The following PRKD3 variants were observed in gnomAD, a reference collection of about 807,000 sequenced individuals.
PRKD3 encodes the protein serine/threonine-protein kinase D3.
Under a neutral mutation model 99.2 loss-of-function variants are expected in PRKD3, and 47 were observed. The ratio of observed to expected loss-of-function variants is 0.47; its 90% CI spans 0.38 to 0.60. The LOEUF (loss-of-function observed/expected upper bound fraction) is 0.60. Ranked by LOEUF, PRKD3 falls within the 20% of genes least tolerant of loss-of-function variation. The probability of loss-of-function intolerance (pLI) is 0.00; values close to 1 mark genes in which losing one functional copy is unlikely to be tolerated. For synonymous variants in PRKD3, 392 were observed against 355.4 expected (o/e 1.10, Z -1.16); for missense variants, 1,019 against 1,088.4 (o/e 0.94, Z 0.90).
chr2:37,289,223 A>G, intron 5 of PRKD3, 133 bp downstream of exon 5: 2 of 1,111,470 alleles, frequency 1.8e-6, no homozygotes, highest in Non-Finnish European at 2.5e-6. Flanking sequence ...CCATTACTAC[A>G]TTTTATGTTT....
chr2:37,282,477 G>T (rs749228826), intron 7 of PRKD3, 65 bp downstream of exon 7: 22 of 1,046,968 alleles, frequency 2.1e-5, no homozygotes, highest in Non-Finnish European at 3.2e-5. Flanking sequence ...CTTATCCAAA[G>T]ATAATACACC....
chr2:37,257,645 G>T (rs894856590), intron 16 of PRKD3, among the ~76,000 whole-genome samples: 1 of 131,712 alleles, frequency 7.6e-6, no homozygotes, highest in Non-Finnish European at 1.6e-5. Flanking sequence ...CAGCCTGGGC[G>T]ACAGAGTGAA....
At chr2:37,285,716 G>A (rs915249101) in intron 6 of PRKD3, among the ~76,000 whole-genome samples, 9 of 152,068 alleles carry the variant, frequency 5.9e-5, no homozygotes, top group African/African-American at 1.9e-4. Flanking sequence ...GCATACAGGT[G>A]AAGAAGCCAT....
chr2:37,305,927 A>G (rs1420059763), intron 2 of PRKD3, among the ~76,000 whole-genome samples: 1 of 152,186 alleles, frequency 6.6e-6, no homozygotes, highest in African/African-American at 2.4e-5. Context: ...CTAGTTTCAC[A>G]CCTGAGAAAA....
At chr2:37,275,725 A>G in intron 10 of PRKD3, 42 bp downstream of exon 10, 4 of 1,535,210 alleles carry the variant, frequency 2.6e-6, no homozygotes, top group Non-Finnish European at 3.5e-6. Flanking sequence ...AAAAACATAC[A>G]CTATCTTAAT....
intron 7 of PRKD3, among the ~76,000 whole-genome samples, chr2:37,281,400 T>C (rs769505885): frequency 3.3e-5 from 5 of 152,160 alleles, no homozygotes; most frequent in African/African-American, 4.8e-5. Context: ...AGTGCTATGG[T>C]ATGAATGTTT....
rs1405447270 is a variant in PRKD3 at position 37,316,939 on chromosome 2, TA to T, written c.-416del. The T allele has an allele frequency of 1.0e-6, 1 of 999,572 alleles. No individual in the cohort carries two copies. Among genetic ancestry groups the T allele is most frequent in the Non-Finnish European group, 1.2e-6 (1 of 838,924 alleles). The allele number at this position is 999,572 out of a possible 1,614,324, so 61.9% of individuals were successfully genotyped here. On this transcript the variant is annotated 5_prime_UTR_variant, in exon 2 of 19. Coordinates refer to ENST00000234179, the MANE Select transcript of PRKD3 (RefSeq NM_005813.6). ...CTGTCAAGGTGAAATCCTCTTCGTT[TA>T]AAAAACAGTAAGTGTTTTGGATTAA... is the stretch of plus-strand genomic sequence containing the variant.
At position 37,316,882 on chromosome 2, in the gene PRKD3, C is replaced by T; in HGVS notation, c.-358G>A. 13 of 1,024,076 alleles carry T rather than the reference C, an allele frequency of 1.3e-5. No homozygotes were observed. Among genetic ancestry groups the T allele is most frequent in the Non-Finnish European group, 1.5e-5 (13 of 855,240 alleles). The allele number at this position is 1,024,076 out of a possible 1,614,324, so 63.4% of individuals were successfully genotyped here. On this transcript the variant is annotated 5_prime_UTR_variant, in exon 2 of 19. Coordinates refer to ENST00000234179, the MANE Select transcript of PRKD3 (RefSeq NM_005813.6). ...CAGTCTGTACTTGTCTCTTTAATTT[C>T]AGGAAATACATATTGAATAAAAGTT...
intron 5 of PRKD3, among the ~76,000 whole-genome samples, chr2:37,287,270 A>AAAAAAAG (rs1670159030): frequency 7.1e-6 from 1 of 141,668 alleles, no homozygotes; most frequent in African/African-American, 3.0e-5. Flanking sequence ...AAAAAAAAGA[A>AAAAAAAG]AAAGAAAAAG....
chr2:37,263,945 C>T (rs1668650632), intron 14 of PRKD3, among the ~76,000 whole-genome samples: 1 of 152,152 alleles, frequency 6.6e-6, no homozygotes. Flanking sequence ...AATGTTCAAA[C>T]CAGAAATTTC....
At chr2:37,260,524 A>G (rs896664309) in intron 14 of PRKD3, 140 bp from the exon 15 acceptor site, 19 of 799,388 alleles carry the variant, frequency 2.4e-5, no homozygotes, top group Non-Finnish European at 3.0e-5. Context: ...AAAAATTACA[A>G]TCAATGAAAA....
At chr2:37,318,798 T>C (rs1453907223) in intron 1 of PRKD3, among the ~76,000 whole-genome samples, 1 of 152,192 alleles carries the variant, frequency 6.6e-6, no homozygotes, top group Non-Finnish European at 1.5e-5. Flanking sequence ...CCTGCAATCT[T>C]GGAGAAAGAG....
At chr2:37,296,801 G>A (rs1670694530) in intron 2 of PRKD3, among the ~76,000 whole-genome samples, 1 of 151,184 alleles carries the variant, frequency 6.6e-6, no homozygotes, top group African/African-American at 2.4e-5. Context: ...TCCGGAGACT[G>A]AGGCAGGAGA....
At chr2:37,254,142 G>A in intron 18 of PRKD3, 62 bp downstream of exon 18, 2 of 1,241,890 alleles carry the variant, frequency 1.6e-6, no homozygotes, top group East Asian at 2.3e-5. Context: ...TCATTAGGTG[G>A]GACAAATCAG....
chr2:37,254,255 C>A lies in PRKD3; in HGVS notation c.2448G>T (p.Lys816Asn), dbSNP rs374375446. The change falls in exon 18 of 19, where the codon AAG becomes AAT. Residue 816 changes from lysine to asparagine, a missense_variant. Lys to Asn is a moderately conservative substitution (Grantham distance 94, BLOSUM62 0). Coordinates refer to ENST00000234179, the MANE Select transcript of PRKD3 (RefSeq NM_005813.6). ...IDLINNLLQV[K>N]MRKRYSVDKS... ...TGTCAACACTGTAACGTTTTCTCATCTTCACTTGAAGCAGATTGTTTATCA... is the reference window on the plus strand; with the variant it reads ...TGTCAACACTGTAACGTTTTCTCATATTCACTTGAAGCAGATTGTTTATCA... 104 of 1,613,372 alleles carry A rather than the reference C, an allele frequency of 6.4e-5. 1 individual carries two copies. Among genetic ancestry groups the A allele is most frequent in the Non-Finnish European group, 8.2e-5 (97 of 1,179,476 alleles).
chr2:37,264,953 T>A (rs1276375210), intron 14 of PRKD3, among the ~76,000 whole-genome samples: 1 of 152,184 alleles, frequency 6.6e-6, no homozygotes, highest in East Asian at 1.9e-4. Context: ...AAATCAGTGA[T>A]CCTGTGATTT....
chr2:37,278,393 T>TAA (rs1669677381), intron 8 of PRKD3: 2 of 153,006 alleles, frequency 1.3e-5, no homozygotes, highest in African/African-American at 4.8e-5. Context: ...ACTATATATA[T>TAA]AACTCGAATT....
chr2:37,322,749 T>TGC (rs1284661544), intron 1 of PRKD3, among the ~76,000 whole-genome samples: 3 of 152,168 alleles, frequency 2.0e-5, no homozygotes, highest in Non-Finnish European at 4.4e-5. Context: ...CTGAGAGGGC[T>TGC]ACTCAAAGAG....
intron 18 of PRKD3, 63 bp from the exon 19 acceptor site, chr2:37,253,413 T>C: frequency 2.8e-6 from 4 of 1,437,070 alleles, no homozygotes; most frequent in Non-Finnish European, 2.8e-6. Flanking sequence ...ACCTGGTTTT[T>C]GTTTTGTGTT....
Sources: gnomAD v4.1 joint callset for allele counts (sites outside exome capture counted in the v4.1 genomes callset) on GRCh38, gnomAD v4.1.1 for gene constraint, MANE v1.5 for transcripts, NCBI Gene and HGNC (gene_info 2026-07-23, HGNC 2026-07-21) for gene names.